The following GRM5 variants were observed in gnomAD, a reference collection of about 807,000 sequenced individuals.
GRM5 encodes the protein metabotropic glutamate receptor 5.
A neutral mutation model predicts 83.1 loss-of-function variants in GRM5; 19 were observed. The observed-to-expected ratio is 0.23, with a 90% CI of 0.16 to 0.34. The LOEUF is 0.34. Among genes scored for constraint, GRM5 ranks in the 10% least tolerant of loss-of-function variants. The probability of loss-of-function intolerance (pLI) is 1.00; values close to 1 mark genes in which losing one functional copy is unlikely to be tolerated. For missense variants in GRM5, 1,160 were observed against 1,588.3 expected (o/e 0.73, Z 4.58); for synonymous variants, 675 against 633.6 (o/e 1.07, Z -0.98).
At chr11:89,058,072 G>T (rs1233933458) in intron 1 of GRM5, among the ~76,000 whole-genome samples, 1 of 151,906 alleles carries the variant, frequency 6.6e-6, no homozygotes, top group Non-Finnish European at 1.5e-5. Context: ...CAAATAATGA[G>T]GTCTCCCCAC....
chr11:88,804,369 A>G (rs896842550), intron 3 of GRM5, among the ~76,000 whole-genome samples: 1 of 149,418 alleles, frequency 6.7e-6, no homozygotes, highest in Non-Finnish European at 1.5e-5. Context: ...AAAAATGATG[A>G]GTTCATGTCC....
chr11:88,870,733 T>A (rs1245164339), intron 2 of GRM5, among the ~76,000 whole-genome samples: 1 of 151,448 alleles, frequency 6.6e-6, no homozygotes, highest in Non-Finnish European at 1.5e-5. Context: ...GACTCAAAAA[T>A]TAACCTAATA....
At chr11:88,918,356 C>CA (rs1468422018) in intron 2 of GRM5, among the ~76,000 whole-genome samples, 1 of 151,888 alleles carries the variant, frequency 6.6e-6, no homozygotes, top group Non-Finnish European at 1.5e-5. Flanking sequence ...GGGTGCAGCG[C>CA]ACCAGCATGG....
intron 3 of GRM5, among the ~76,000 whole-genome samples, chr11:88,757,336 C>G (rs566048111): frequency 1.3e-5 from 2 of 152,290 alleles, no homozygotes; most frequent in East Asian, 3.9e-4. Flanking sequence ...TGTGCATGTG[C>G]ACTCTGCCAT....
chr11:88,544,082 C>CACATACACAT (rs1555066101), intron 8 of GRM5, among the ~76,000 whole-genome samples: 147 of 152,224 alleles, frequency 9.7e-4, no homozygotes, highest in Admixed American at 1.4e-3. Flanking sequence ...CTCTCACACA[C>CACATACACAT]ACACATACAC....
At chr11:89,063,814 A>T (rs867051349) in intron 1 of GRM5, among the ~76,000 whole-genome samples, 4 of 152,208 alleles carry the variant, frequency 2.6e-5, no homozygotes, top group Middle Eastern at 3.2e-3. Context: ...TTAGGAACAT[A>T]GACTCCTGGG....
At chr11:88,655,568 A>T (rs981184318) in intron 3 of GRM5, among the ~76,000 whole-genome samples, 5 of 152,140 alleles carry the variant, frequency 3.3e-5, no homozygotes, top group African/African-American at 1.2e-4. Flanking sequence ...AGGGATTGTA[A>T]AAAGTTTGTC....
intron 2 of GRM5, among the ~76,000 whole-genome samples, chr11:88,881,336 A>G (rs972214181): frequency 1.3e-5 from 2 of 151,850 alleles, no homozygotes; most frequent in Non-Finnish European, 2.9e-5. Context: ...AAAAAAAAAA[A>G]CTGTCACCTT....
intron 2 of GRM5, among the ~76,000 whole-genome samples, chr11:88,880,183 C>T (rs567994225): frequency 1.3e-5 from 2 of 151,760 alleles, no homozygotes; most frequent in African/African-American, 4.8e-5. Context: ...ACAAAGAACG[C>T]TATGAGGCAG....
intron 2 of GRM5, among the ~76,000 whole-genome samples, chr11:88,895,018 C>T (rs896751486): frequency 1.3e-5 from 2 of 151,870 alleles, no homozygotes; most frequent in African/African-American, 4.8e-5. Context: ...GTAGCCTGAA[C>T]TGACTAAGAG....
intron 4 of GRM5, among the ~76,000 whole-genome samples, chr11:88,627,731 T>C (rs906538628): frequency 6.6e-6 from 1 of 152,168 alleles, no homozygotes; most frequent in African/African-American, 2.4e-5. Flanking sequence ...TCACCAAGTT[T>C]ACCTCATTCT....
At chr11:88,588,977 T>C (rs936802373) in intron 7 of GRM5, among the ~76,000 whole-genome samples, 1 of 152,164 alleles carries the variant, frequency 6.6e-6, no homozygotes, top group African/African-American at 2.4e-5. Context: ...TCTGTTGAAA[T>C]AATGAAAGTG....
rs1943106642 is a variant in GRM5, at chr11:88,788,063, ACT to A, written c.911+61841_911+61842del. Among the ~76,000 whole-genome samples, 6 of 152,006 alleles carry A rather than the reference ACT, an allele frequency of 3.9e-5. 1 individual carries two copies. The South Asian group carries it at 1.2e-3, about 32-fold the overall frequency. ...TTTATAAATGTTGCCCTGAAAGACT[ACT>A]CTCTTTATATCCTGCTGGGCTTACC... On this transcript the variant is annotated intron_variant, in intron 3 of 9. Coordinates refer to ENST00000305447, the MANE Select transcript of GRM5 (RefSeq NM_001143831.3).
chr11:88,606,092 G>A (rs1938135634), intron 4 of GRM5, among the ~76,000 whole-genome samples: 1 of 152,160 alleles, frequency 6.6e-6, no homozygotes, highest in Non-Finnish European at 1.5e-5. Flanking sequence ...CATTTTTGAA[G>A]AATAACAGAT....
At chr11:88,925,643 G>A in intron 2 of GRM5, 1 of 409,910 alleles carries the variant, frequency 2.4e-6, no homozygotes, top group Non-Finnish European at 4.9e-6. Context: ...GTGCTGGGGT[G>A]GCTCATGCCC....
intron 4 of GRM5, among the ~76,000 whole-genome samples, chr11:88,648,218 G>T (rs1473165126): frequency 6.7e-6 from 1 of 149,844 alleles, no homozygotes; most frequent in Non-Finnish European, 1.5e-5. Context: ...GTTTATTGCG[G>T]CATTATTCAC....
At chr11:88,848,526 G>A (rs1944335828) in intron 3 of GRM5, among the ~76,000 whole-genome samples, 1 of 152,100 alleles carries the variant, frequency 6.6e-6, no homozygotes, top group African/African-American at 2.4e-5. Context: ...AAGATGCAGT[G>A]GATTCTAAGG....
rs1938849338 is a variant in GRM5 at position 88,963,541 on chromosome 11, G to A, written c.661+83671C>T. Among the ~76,000 whole-genome samples, 3 of 152,174 alleles carry A rather than the reference G, an allele frequency of 2.0e-5. No homozygotes were observed. In the South Asian group the frequency reaches 6.2e-4, roughly 32 times the overall value. On this transcript the variant is annotated intron_variant, in intron 2 of 9. Coordinates refer to ENST00000305447, the MANE Select transcript of GRM5 (RefSeq NM_001143831.3). The stretch of plus-strand genomic sequence containing the variant: ...GGCTGAAATACAGTTATGCTATTTA[G>A]CCATGTTGGACCATGTAGATAAAGC...
At chr11:88,668,247 T>C (rs1940099364) in intron 3 of GRM5, among the ~76,000 whole-genome samples, 1 of 119,234 alleles carries the variant, frequency 8.4e-6, no homozygotes, top group Non-Finnish European at 1.8e-5. Flanking sequence ...CAGAATAATT[T>C]TATATCTCTT....
Sources: allele counts gnomAD v4.1 joint callset (sites outside exome capture counted in the v4.1 genomes callset), GRCh38; gene constraint gnomAD v4.1.1; transcripts MANE v1.5; gene names NCBI Gene and HGNC (gene_info 2026-07-23, HGNC 2026-07-21).